Variants in DOCK3 observed in about 807,000 individuals in gnomAD.
DOCK3 encodes the protein dedicator of cytokinesis protein 3.
In DOCK3, 60 loss-of-function variants were observed where a neutral mutation model predicts 265.6. The ratio of observed to expected loss-of-function variants is 0.23; its 90% CI spans 0.18 to 0.28. The LOEUF (loss-of-function observed/expected upper bound fraction) is 0.28. Ranked by LOEUF, DOCK3 falls within the 10% of genes least tolerant of loss-of-function variation. The pLI is 1.00. For missense variants in DOCK3, 1,981 were observed against 2,594.3 expected (o/e 0.76, Z 5.14); for synonymous variants, 881 against 938.0 (o/e 0.94, Z 1.11).
intron 3 of DOCK3, among the ~76,000 whole-genome samples, chr3:50,878,376 C>T (rs2047826770): frequency 6.6e-6 from 1 of 152,160 alleles, no homozygotes; most frequent in East Asian, 1.9e-4. Context: ...AAGCTAAAAA[C>T]CTTGAAAAAA....
At chr3:50,688,188 A>G (rs1417046851) in intron 1 of DOCK3, among the ~76,000 whole-genome samples, 1 of 152,244 alleles carries the variant, frequency 6.6e-6, no homozygotes, top group East Asian at 1.9e-4. Context: ...GTGGTTAGCC[A>G]CTAAGAATGT....
intron 12 of DOCK3, among the ~76,000 whole-genome samples, chr3:51,183,426 G>C (rs573017188): frequency 6.6e-6 from 1 of 152,054 alleles, no homozygotes; most frequent in Non-Finnish European, 1.5e-5. Context: ...GGTTGGGGGT[G>C]GGGGGAAGAG....
chr3:51,305,760 G>GTGTGTT (rs57809294), intron 27 of DOCK3, among the ~76,000 whole-genome samples: 20 of 140,206 alleles, frequency 1.4e-4, no homozygotes, highest in Admixed American at 3.7e-4. Flanking sequence ...GTGTGTGTGT[G>GTGTGTT]TTTTTATTAT....
At chr3:50,928,187 A>G (rs907515837) in intron 4 of DOCK3, among the ~76,000 whole-genome samples, 1 of 150,956 alleles carries the variant, frequency 6.6e-6, no homozygotes, top group Admixed American at 6.6e-5. Context: ...CTTTAAGTGT[A>G]CAATCCAGTG....
intron 5 of DOCK3, among the ~76,000 whole-genome samples, chr3:51,044,059 A>G (rs1212217193): frequency 6.6e-6 from 1 of 152,228 alleles, no homozygotes; most frequent in Non-Finnish European, 1.5e-5. Flanking sequence ...CATTTGATCC[A>G]GTAATCCCAA....
chr3:50,678,251 A>C (rs1286916034), intron 1 of DOCK3, among the ~76,000 whole-genome samples: 1 of 152,014 alleles, frequency 6.6e-6, no homozygotes, highest in East Asian at 1.9e-4. Flanking sequence ...CTCTTAGAGA[A>C]TCTCTGCTTT....
At chr3:51,062,657 G>C (rs760370100) in intron 5 of DOCK3, among the ~76,000 whole-genome samples, 1 of 152,182 alleles carries the variant, frequency 6.6e-6, no homozygotes, top group Non-Finnish European at 1.5e-5. Context: ...TCACAACAAA[G>C]TGTTAGTACT....
intron 5 of DOCK3, among the ~76,000 whole-genome samples, chr3:51,032,274 C>A (rs2080083701): frequency 6.6e-6 from 1 of 152,104 alleles, no homozygotes; most frequent in Non-Finnish European, 1.5e-5. Flanking sequence ...CAGAAAATTG[C>A]TTACTTTAGT....
At chr3:50,822,540 A>AGGCT (rs1320305057) in intron 2 of DOCK3, among the ~76,000 whole-genome samples, 4 of 152,016 alleles carry the variant, frequency 2.6e-5, no homozygotes, top group Admixed American at 2.6e-4. Flanking sequence ...TCTGTCACCC[A>AGGCT]GGCTGGAGGG....
chr3:51,306,517 G>A (rs574377375), intron 27 of DOCK3, among the ~76,000 whole-genome samples: 1 of 152,058 alleles, frequency 6.6e-6, no homozygotes, highest in African/African-American at 2.4e-5. Context: ...TTTCCTTCTG[G>A]CACTACCACT....
At chr3:50,791,002 C>T (rs750990490) in intron 2 of DOCK3, among the ~76,000 whole-genome samples, 1 of 151,708 alleles carries the variant, frequency 6.6e-6, no homozygotes, top group African/African-American at 2.4e-5. Flanking sequence ...TCCTTGTAGA[C>T]GATATTAGAC....
chr3:50,849,334 A>C (rs952926431), intron 3 of DOCK3, among the ~76,000 whole-genome samples: 2 of 151,968 alleles, frequency 1.3e-5, no homozygotes, highest in African/African-American at 4.8e-5. Context: ...CATGCCTGGC[A>C]AAAAAATATA....
chr3:51,074,014 G>A (rs1169327209), intron 6 of DOCK3, among the ~76,000 whole-genome samples: 2 of 152,134 alleles, frequency 1.3e-5, no homozygotes, highest in Admixed American at 1.3e-4. Flanking sequence ...TATTTTCAAT[G>A]ATGAGTTTTA....
At chr3:50,924,197 G>A (rs1324498232) in intron 4 of DOCK3, among the ~76,000 whole-genome samples, 3 of 152,192 alleles carry the variant, frequency 2.0e-5, no homozygotes, top group African/African-American at 7.2e-5. Context: ...CATTAGGTGT[G>A]AGAATGAGAA....
intron 5 of DOCK3, among the ~76,000 whole-genome samples, chr3:50,946,614 C>T (rs1267451706): frequency 1.3e-5 from 2 of 152,132 alleles, no homozygotes; most frequent in Non-Finnish European, 2.9e-5. Context: ...TTCATCTTTC[C>T]TGACTCCCTT....
chr3:51,161,475 A>C (rs544554934), intron 12 of DOCK3, among the ~76,000 whole-genome samples: 28 of 152,224 alleles, frequency 1.8e-4, no homozygotes, highest in Non-Finnish European at 1.5e-5. Flanking sequence ...AAAGAACAAA[A>C]AAATAAAATG....
At chr3:50,849,642 A>C (rs2046266678) in intron 3 of DOCK3, among the ~76,000 whole-genome samples, 1 of 152,182 alleles carries the variant, frequency 6.6e-6, no homozygotes, top group Non-Finnish European at 1.5e-5. Context: ...CAGGCACAGG[A>C]ATTGATAAAG....
At chr3:50,749,438 C>A (rs1038948107) in intron 1 of DOCK3, among the ~76,000 whole-genome samples, 1 of 152,178 alleles carries the variant, frequency 6.6e-6, no homozygotes, top group Non-Finnish European at 1.5e-5. Context: ...GAATGATTTT[C>A]TTCTCTACCT....
At chr3:50,878,982 T>A (rs1489074621) in intron 3 of DOCK3, among the ~76,000 whole-genome samples, 1 of 152,126 alleles carries the variant, frequency 6.6e-6, no homozygotes, top group Non-Finnish European at 1.5e-5. Context: ...TTCAACATTC[T>A]TAAAGAAAAG....
Sources: allele counts gnomAD v4.1 joint callset (sites outside exome capture counted in the v4.1 genomes callset), GRCh38; gene constraint gnomAD v4.1.1; transcripts MANE v1.5; gene names NCBI Gene and HGNC (gene_info 2026-07-23, HGNC 2026-07-21).